Variants in PCMT1 observed in about 807,000 individuals in gnomAD.
PCMT1 encodes protein-L-isoaspartate (D-aspartate) O-methyltransferase, also known as protein-L-isoaspartate(D-aspartate) O-methyltransferase.
In PCMT1, 9 loss-of-function variants were observed where a neutral mutation model predicts 29.2. The observed-to-expected ratio is 0.31, with a 90% CI of 0.19 to 0.54. The LOEUF is 0.54. Among genes scored for constraint, PCMT1 ranks in the 20% least tolerant of loss-of-function variants. PCMT1 has a pLI of 0.95. For missense variants in PCMT1, 184 were observed against 282.2 expected (o/e 0.65, Z 2.49); for synonymous variants, 98 against 97.5 (o/e 1.00, Z -0.03).
Position 149,771,173 on chromosome 6 carries a change from A to C in PCMT1, c.67A>C (p.Ile23Leu). ...LIHNLRKNGI[I>L]KTDKVFEVML... is the part of the protein sequence containing the mutation. ...CTCACTTGTTTCAGAAAATGGAATC[A>C]TCAAGACAGATAAAGTATTTGAAGT... The change falls in exon 2 of 8, where the codon ATC becomes CTC. Residue 23 changes from isoleucine (I) to leucine (L), a missense_variant. By Grantham distance (5) the Ile-to-Leu change is conservative. Transcript: ENST00000464889. 3.1e-6 allele frequency: 5 copies of C among 1,606,520 alleles called. No homozygotes were observed. Among genetic ancestry groups the C allele is most frequent in the Non-Finnish European group, 4.3e-6 (5 of 1,173,802 alleles).
At chr6:149,779,172 TCC>T (rs900152137) in intron 3 of PCMT1, among the ~76,000 whole-genome samples, 31 of 152,156 alleles carry the variant, frequency 2.0e-4, no homozygotes, top group South Asian at 4.2e-4. Context: ...AGTTCTTGCT[TCC>T]CTCCCTAGCT....
At chr6:149,777,138 A>C (rs1787602698) in intron 3 of PCMT1, among the ~76,000 whole-genome samples, 1 of 152,182 alleles carries the variant, frequency 6.6e-6, no homozygotes, top group Non-Finnish European at 1.5e-5. Context: ...TGTAACTCTA[A>C]AATGCATTTA....
chr6:149,756,791 G>C (rs1448722494), intron 1 of PCMT1, among the ~76,000 whole-genome samples: 1 of 151,552 alleles, frequency 6.6e-6, no homozygotes, highest in Non-Finnish European at 1.5e-5. Flanking sequence ...TTTCAAACCA[G>C]TCTTATGGAT....
At chr6:149,765,765 G>T (rs1480699631) in intron 1 of PCMT1, 1 of 286,718 alleles carries the variant, frequency 3.5e-6, no homozygotes. Context: ...TCAGGAGTTT[G>T]AGACCAGCCT....
At chr6:149,761,530 G>C (rs1285472947) in intron 1 of PCMT1, among the ~76,000 whole-genome samples, 2 of 151,624 alleles carry the variant, frequency 1.3e-5, no homozygotes, top group Admixed American at 1.3e-4. Context: ...ATCTACTTTA[G>C]ACATCATCTG....
chr6:149,795,633 A>G (rs569911006), intron 5 of PCMT1: 4 of 464,158 alleles, frequency 8.6e-6, no homozygotes, highest in African/African-American at 6.1e-5. Flanking sequence ...GTTTCAATCT[A>G]TTCTGGATTA....
intron 6 of PCMT1, chr6:149,797,212 GTA>G (rs1788653090): frequency 1.3e-5 from 2 of 152,290 alleles, no homozygotes; most frequent in African/African-American, 4.8e-5. Context: ...CACAAAGCTT[GTA>G]TTCTAGAAGA....
At chr6:149,786,564 GGTT>G (rs1276571912) in intron 3 of PCMT1, among the ~76,000 whole-genome samples, 50 of 78,342 alleles carry the variant, frequency 6.4e-4, no homozygotes, top group Admixed American at 2.4e-3. Context: ...CAGACGGGGC[GGTT>G]GCCAGGCAGA....
intron 1 of PCMT1, among the ~76,000 whole-genome samples, chr6:149,751,807 T>C (rs1031243826): frequency 1.3e-5 from 2 of 150,138 alleles, no homozygotes; most frequent in Non-Finnish European, 3.0e-5. Flanking sequence ...TCATTTTGGA[T>C]TTTTTTTTGG....
At chr6:149,808,187 A>G (rs4869730) in intron 7 of PCMT1, among the ~76,000 whole-genome samples, 80,497 of 151,816 alleles carry the variant, frequency 0.53, 24,400 homozygotes, top group East Asian at 0.83. Context: ...AAATAATTAA[A>G]TTATGTATAA....
chr6:149,750,643 T>A (rs1786277125), intron 1 of PCMT1, among the ~76,000 whole-genome samples: 1 of 152,186 alleles, frequency 6.6e-6, no homozygotes, highest in Non-Finnish European at 1.5e-5. Context: ...AGGTCCTGGA[T>A]CAGCAGAGGG....
At chr6:149,776,837 C>T (rs554882238) in intron 3 of PCMT1, among the ~76,000 whole-genome samples, 16 of 152,266 alleles carry the variant, frequency 1.1e-4, no homozygotes, top group Admixed American at 1.0e-3. Flanking sequence ...CTGGCAGTCA[C>T]ATACTTTTTT....
chr6:149,794,808 A>T, intron 5 of PCMT1: 1 of 485,366 alleles, frequency 2.1e-6, no homozygotes, highest in Non-Finnish European at 4.2e-6. Flanking sequence ...AGTGAGGGAC[A>T]TGAGAGATCA....
At chr6:149,784,171 C>CA (rs1787928710) in intron 3 of PCMT1, among the ~76,000 whole-genome samples, 1 of 152,162 alleles carries the variant, frequency 6.6e-6, no homozygotes, top group Non-Finnish European at 1.5e-5. Flanking sequence ...TTCTGTGGAA[C>CA]ATTAAGGACT....
intron 3 of PCMT1, among the ~76,000 whole-genome samples, chr6:149,781,190 G>GTTTTT (rs1267846983): frequency 2.0e-4 from 10 of 50,976 alleles, no homozygotes; most frequent in Non-Finnish European, 3.1e-4. Context: ...CCCCTTTCTT[G>GTTTTT]TTTTTTTTTT....
chr6:149,805,176 A>G (rs1009741221), intron 7 of PCMT1, among the ~76,000 whole-genome samples: 3 of 152,238 alleles, frequency 2.0e-5, no homozygotes, highest in African/African-American at 7.2e-5. Context: ...CAGAAGCGGC[A>G]GTGAGCTGTG....
In PCMT1 at chr6:149,779,174, C is replaced by G. The variant is rs573864571; in HGVS notation, c.192+6005C>G. On this transcript the variant is annotated intron_variant, in intron 3 of 7. Transcript: ENST00000464889. ...TTGAGGCACAGCGAGTTCTTGCTTCCCTCCCTAGCTCGGCTGTAAAGTCAC... is the reference window on the plus strand; with the variant it reads ...TTGAGGCACAGCGAGTTCTTGCTTCGCTCCCTAGCTCGGCTGTAAAGTCAC... Among the ~76,000 whole-genome samples, 33 of 152,142 alleles carry G rather than the reference C, an allele frequency of 2.2e-4. No homozygotes were observed. The East Asian group carries it at 6.2e-3, about 29-fold the overall frequency.
chr6:149,772,973 C>T (rs1260985182), intron 2 of PCMT1, among the ~76,000 whole-genome samples, 165 bp from the exon 3 acceptor site: 3 of 145,994 alleles, frequency 2.1e-5, no homozygotes, highest in South Asian at 2.1e-4. Flanking sequence ...GCCAAGATCG[C>T]GCCACTGCAC....
chr6:149,772,443 CAG>C (rs2115254820), intron 2 of PCMT1: 1 of 328,226 alleles, frequency 3.0e-6, no homozygotes. Flanking sequence ...TAATTTTGCA[CAG>C]ACTTTGTATA....
Sources: allele counts gnomAD v4.1 joint callset (sites outside exome capture counted in the v4.1 genomes callset), GRCh38; gene constraint gnomAD v4.1.1; transcripts MANE v1.5; gene names NCBI Gene and HGNC (gene_info 2026-07-23, HGNC 2026-07-21).